Variants in DIS3L2 observed in about 807,000 individuals in gnomAD.
DIS3L2 encodes DIS3-like exonuclease 2.
DIS3L2 carries 34 observed loss-of-function variants against 97.5 expected under a neutral mutation model. That is an observed-to-expected ratio of 0.35 (90% CI 0.27 to 0.46). The LOEUF (loss-of-function observed/expected upper bound fraction) is 0.46, where lower values mean the gene tolerates loss of function less well. Among genes scored for constraint, DIS3L2 ranks in the 20% least tolerant of loss-of-function variants. The probability of loss-of-function intolerance (pLI) is 1.00; values close to 1 mark genes in which losing one functional copy is unlikely to be tolerated. For missense variants in DIS3L2, 1,038 were observed against 1,146.0 expected, an observed-to-expected ratio of 0.91 and a Z score of 1.36; for synonymous variants, 435 against 445.2, an observed-to-expected ratio of 0.98 and a Z score of 0.29.
intron 9 of DIS3L2, among the ~76,000 whole-genome samples, chr2:232,185,091 C>G (rs922133574): frequency 2.6e-5 from 4 of 152,190 alleles, no homozygotes; most frequent in Non-Finnish European, 5.9e-5. Context: ...TCATCAAGAG[C>G]AAGGACTGGG....
Position 232,213,451 on chromosome 2 carries a change from T to C in DIS3L2, c.1204+3046T>C, listed in dbSNP as rs575919640. Among the ~76,000 whole-genome samples the C allele has an allele frequency of 4.6e-5, 7 of 152,254 alleles. No homozygotes were observed. In the South Asian group the frequency reaches 1.4e-3, roughly 32 times the overall value. On this transcript the variant is annotated intron_variant, in intron 10 of 20. Transcript: ENST00000325385. The stretch of plus-strand genomic sequence containing the variant: ...GCAAACAGTTTTATGGTGGCACTTC[T>C]ACAGTTGGCCTTTGTGACAACAGTT...
intron 5 of DIS3L2, among the ~76,000 whole-genome samples, chr2:232,077,943 TTTTC>T (rs1218508918): frequency 3.4e-5 from 5 of 148,984 alleles, no homozygotes; most frequent in East Asian, 3.9e-4. Flanking sequence ...CTTTCTTTCT[TTTTC>T]TTTCTTTCTC....
chr2:232,018,731 T>C (rs1694424279), intron 3 of DIS3L2, among the ~76,000 whole-genome samples: 1 of 152,104 alleles, frequency 6.6e-6, no homozygotes, highest in African/African-American at 2.4e-5. Context: ...GAGTAGAGTA[T>C]TTTTATTTTG....
rs1437161614 is a variant in DIS3L2, at chr2:232,281,108, TG to T, written c.1659+17669del. Among the ~76,000 whole-genome samples, 1 of 152,078 alleles carries T rather than the reference TG, an allele frequency of 6.6e-6. No homozygotes were observed. Among genetic ancestry groups the T allele is most frequent in the Non-Finnish European group, 1.5e-5 (1 of 67,998 alleles). On this transcript the variant is annotated intron_variant, in intron 13 of 20. Transcript: ENST00000325385. The surrounding 1 kb of genome is among the most constrained non-coding windows in gnomAD (Gnocchi z 4.1). ...AACTTGTTTGCTCTGCCTTGAAATA[TG>T]AGTGTTTTCGGCTGGGCACGGTGGC... is the stretch of plus-strand genomic sequence containing the variant.
intron 1 of DIS3L2, among the ~76,000 whole-genome samples, chr2:231,988,926 A>G (rs945170700): frequency 1.3e-5 from 2 of 152,152 alleles, no homozygotes; most frequent in African/African-American, 4.8e-5. Flanking sequence ...AATTACTTTC[A>G]ATTCTTGTAT....
At chr2:232,343,464 C>T in exon 14 of DIS3L2, 1 of 1,555,908 alleles carries the variant, frequency 6.4e-7, no homozygotes, top group Non-Finnish European at 8.7e-7. Context: ...GCATATGTGA[C>T]AGGGATCCAG....
intron 3 of DIS3L2, among the ~76,000 whole-genome samples, chr2:232,021,632 T>A (rs1299691251): frequency 4.6e-5 from 7 of 152,032 alleles, no homozygotes; most frequent in Non-Finnish European, 1.0e-4. Context: ...AGGAAGGCAG[T>A]GAACTGCTAG....
intron 5 of DIS3L2, among the ~76,000 whole-genome samples, chr2:232,059,912 G>T (rs1695655539): frequency 6.6e-6 from 1 of 152,048 alleles, no homozygotes; most frequent in Non-Finnish European, 1.5e-5. Flanking sequence ...TTGATTCTAT[G>T]TCTTTCCTAT....
intron 5 of DIS3L2, among the ~76,000 whole-genome samples, chr2:232,035,990 A>G (rs1385320186): frequency 6.6e-6 from 1 of 151,836 alleles, no homozygotes; most frequent in African/African-American, 2.4e-5. Flanking sequence ...ATTTCTGACA[A>G]TATGTGTCTT....
intron 11 of DIS3L2, among the ~76,000 whole-genome samples, chr2:232,243,798 C>A (rs1264400406): frequency 6.6e-6 from 1 of 152,324 alleles, no homozygotes; most frequent in African/African-American, 2.4e-5. Flanking sequence ...GCTGTCCCCT[C>A]GGAGATAGGG....
At chr2:232,320,465 C>T (rs1695400154) in intron 14 of DIS3L2, among the ~76,000 whole-genome samples, 1 of 152,206 alleles carries the variant, frequency 6.6e-6, no homozygotes, top group African/African-American at 2.4e-5. Flanking sequence ...ACATTGTCAC[C>T]TGTCACCTGT....
At chr2:232,217,985 A>T (rs1471239004) in intron 10 of DIS3L2, among the ~76,000 whole-genome samples, 1 of 152,242 alleles carries the variant, frequency 6.6e-6, no homozygotes, top group Non-Finnish European at 1.5e-5. Flanking sequence ...CTCTCTGTGC[A>T]GCATTCCCTC....
intron 1 of DIS3L2, among the ~76,000 whole-genome samples, chr2:231,997,284 A>C (rs1029223422): frequency 2.0e-5 from 3 of 152,230 alleles, no homozygotes; most frequent in African/African-American, 7.2e-5. Context: ...TGTGTTTGCA[A>C]AAAGTGCTGG....
Position 232,079,225 on chromosome 2 carries a change from ACC to A in DIS3L2, c.367-8261_367-8260del, listed in dbSNP as rs1474616651. ...GAATAGATACCTCTATGTTCATGAA[ACC>A]TATATTCTAGTTGGGGAAACAGAAA... On this transcript the variant is annotated intron_variant, in intron 5 of 20. Coordinates refer to ENST00000325385, the MANE Select transcript of DIS3L2 (RefSeq NM_152383.5). 7.9e-5 allele frequency among the ~76,000 whole-genome samples: 12 copies of A among 152,308 alleles called. 1 individual carries two copies. Among genetic ancestry groups the A allele is most frequent in the Middle Eastern group, 3.4e-3 (1 of 292 alleles).
At chr2:232,222,712 C>T (rs1692537637) in intron 10 of DIS3L2, among the ~76,000 whole-genome samples, 1 of 152,224 alleles carries the variant, frequency 6.6e-6, no homozygotes. Flanking sequence ...GGTGATCCAC[C>T]CGCCTTGGTC....
At chr2:232,234,827 G>T (rs956739748) in intron 10 of DIS3L2, among the ~76,000 whole-genome samples, 2 of 152,194 alleles carry the variant, frequency 1.3e-5, no homozygotes, top group Non-Finnish European at 2.9e-5. Flanking sequence ...CAGATGTCTA[G>T]TGCGGGCATA....
chr2:232,088,279 G>T (rs1166146777), intron 6 of DIS3L2, among the ~76,000 whole-genome samples: 2 of 150,994 alleles, frequency 1.3e-5, no homozygotes, highest in Non-Finnish European at 2.9e-5. Flanking sequence ...GGGCGCGGTG[G>T]CTCACGCCTG....
At chr2:232,057,583 A>G (rs1695580555) in intron 5 of DIS3L2, among the ~76,000 whole-genome samples, 1 of 152,112 alleles carries the variant, frequency 6.6e-6, no homozygotes, top group Admixed American at 6.5e-5. Context: ...TAGCTCCAAG[A>G]AAACAAATTT....
At chr2:232,270,269 GA>G (rs1354831401) in intron 13 of DIS3L2, among the ~76,000 whole-genome samples, 1 of 152,024 alleles carries the variant, frequency 6.6e-6, no homozygotes, top group African/African-American at 2.4e-5. Context: ...AGAATATAAA[GA>G]AAAAATCATA....
Sources: gnomAD v4.1 joint callset for allele counts (sites outside exome capture counted in the v4.1 genomes callset) on GRCh38, gnomAD v4.1.1 for gene constraint, Gnocchi (gnomAD v3.1) non-coding constraint, MANE v1.5 for transcripts, NCBI Gene and HGNC (gene_info 2026-07-23, HGNC 2026-07-21) for gene names.